The following TMEM177 variants were observed in gnomAD, a reference collection of about 807,000 sequenced individuals.
TMEM177 encodes the protein transmembrane protein 177.
TMEM177 carries 4 observed loss-of-function variants against 14.2 expected under a neutral mutation model. That is an observed-to-expected ratio of 0.28 (90% confidence interval 0.14 to 0.64). The LOEUF (loss-of-function observed/expected upper bound fraction) is 0.64, where lower values mean the gene tolerates loss of function less well. TMEM177 is among the 30% of genes least tolerant of loss of function. The pLI is 0.82. For synonymous variants in TMEM177, 179 were observed against 174.5 expected (o/e 1.03, Z -0.20); for missense variants, 344 against 405.2 (o/e 0.85, Z 1.30).
chr2:119,707,121 C>T, the TMEM177 span, among the ~76,000 whole-genome samples: 124 of 152,148 alleles, frequency 8.1e-4, no homozygotes, highest in African/African-American at 2.6e-3. Context: ...CCATGTTAGC[C>T]AGGCTGGTCT....
At position 119,681,853 on chromosome 2, in the gene TMEM177, C is replaced by A; in HGVS notation, c.*64C>A. On this transcript the variant is annotated 3_prime_UTR_variant, in exon 2 of 2. Coordinates refer to ENST00000272521, the MANE Select transcript of TMEM177 (RefSeq NM_030577.3). ...CCACCCTGCCATTGAGTCTGGAGGG[C>A]CCTGTTGGAGCCTTTGGACCTATAG... The A allele has an allele frequency of 6.6e-7, 1 of 1,505,790 alleles. No homozygotes were observed. Among genetic ancestry groups the A allele is most frequent in the Non-Finnish European group, 9.1e-7 (1 of 1,100,288 alleles). The allele number at this position is 1,505,790 out of a possible 1,614,324, so 93.3% of individuals were successfully genotyped here.
chr2:119,705,555 T>C, the TMEM177 span, among the ~76,000 whole-genome samples: 2 of 152,036 alleles, frequency 1.3e-5, no homozygotes, highest in Non-Finnish European at 1.5e-5. Context: ...TCTCACAACA[T>C]GGCAGCTTAC....
At chr2:119,715,563 G>C in the TMEM177 span, among the ~76,000 whole-genome samples, 1 of 152,176 alleles carries the variant, frequency 6.6e-6, no homozygotes, top group Non-Finnish European at 1.5e-5. Context: ...TTCCCAGGCT[G>C]CCCTCAGAGG....
chr2:119,693,075 G>A, the TMEM177 span, among the ~76,000 whole-genome samples: 3 of 151,804 alleles, frequency 2.0e-5, no homozygotes, highest in Non-Finnish European at 4.4e-5. Flanking sequence ...GCTGAAGGCA[G>A]TGGGGCCGGC....
At chr2:119,719,204 C>G in the TMEM177 span, among the ~76,000 whole-genome samples, 6 of 152,214 alleles carry the variant, frequency 3.9e-5, no homozygotes, top group African/African-American at 2.4e-5. Context: ...TTTCCAATCA[C>G]TACCCTCATC....
chr2:119,711,221 T>A, the TMEM177 span, among the ~76,000 whole-genome samples: 1 of 152,146 alleles, frequency 6.6e-6, no homozygotes, highest in African/African-American at 2.4e-5. Flanking sequence ...TAGGGGTTTT[T>A]TAATACCTAA....
downstream of TMEM177, among the ~76,000 whole-genome samples, chr2:119,691,152 G>A (rs569184034): frequency 3.9e-5 from 6 of 152,180 alleles, no homozygotes; most frequent in Non-Finnish European, 7.4e-5. Context: ...ATCTGTGGGC[G>A]CCTCTCCAGG....
chr2:119,707,324 A>G, the TMEM177 span, among the ~76,000 whole-genome samples: 1 of 152,208 alleles, frequency 6.6e-6, no homozygotes, highest in African/African-American at 2.4e-5. Flanking sequence ...AGCTGGGCAC[A>G]TTATCAGCCT....
At chr2:119,716,782 C>T in the TMEM177 span, among the ~76,000 whole-genome samples, 4 of 152,288 alleles carry the variant, frequency 2.6e-5, no homozygotes, top group South Asian at 6.2e-4. Flanking sequence ...TTCTGAAAAG[C>T]CCTTTTCTAA....
the TMEM177 span, among the ~76,000 whole-genome samples, chr2:119,721,466 T>C: frequency 6.6e-6 from 1 of 152,224 alleles, no homozygotes; most frequent in Non-Finnish European, 1.5e-5. Context: ...ATAATCATAA[T>C]GTAGGCTTTC....
the TMEM177 span, among the ~76,000 whole-genome samples, chr2:119,717,001 C>A: frequency 6.6e-6 from 1 of 152,202 alleles, no homozygotes; most frequent in Non-Finnish European, 1.5e-5. Flanking sequence ...TCACCTCTCT[C>A]CCCCCACCCC....
chr2:119,718,618 G>A, the TMEM177 span, among the ~76,000 whole-genome samples: 1 of 152,136 alleles, frequency 6.6e-6, no homozygotes, highest in African/African-American at 2.4e-5. Context: ...TCCTTACCAC[G>A]TGACTAGGTC....
chr2:119,701,095 G>T, the TMEM177 span, among the ~76,000 whole-genome samples: 1 of 152,150 alleles, frequency 6.6e-6, no homozygotes, highest in Non-Finnish European at 1.5e-5. Flanking sequence ...GAAACAGCAG[G>T]TTATTCCTCC....
chr2:119,702,857 T>C, the TMEM177 span, among the ~76,000 whole-genome samples: 1 of 152,244 alleles, frequency 6.6e-6, no homozygotes, highest in African/African-American at 2.4e-5. Flanking sequence ...AACAGTCCTC[T>C]ATCCCAGGGA....
the TMEM177 span, among the ~76,000 whole-genome samples, chr2:119,708,073 T>C: frequency 1.3e-5 from 2 of 152,194 alleles, no homozygotes; most frequent in Non-Finnish European, 2.9e-5. Flanking sequence ...AGCCCAGGGT[T>C]GTCACATCTG....
the TMEM177 span, among the ~76,000 whole-genome samples, chr2:119,720,891 C>T: frequency 6.6e-6 from 1 of 152,176 alleles, no homozygotes; most frequent in Non-Finnish European, 1.5e-5. Context: ...AGTACTAGCT[C>T]ATATTTCAGA....
At chr2:119,696,852 T>C in the TMEM177 span, among the ~76,000 whole-genome samples, 20 of 151,910 alleles carry the variant, frequency 1.3e-4, no homozygotes, top group Admixed American at 1.2e-3. Context: ...GGAAATGACG[T>C]TGGGGAGGTG....
downstream of TMEM177, among the ~76,000 whole-genome samples, chr2:119,689,553 C>A (rs1319543226): frequency 6.6e-6 from 1 of 152,144 alleles, no homozygotes. Flanking sequence ...ATAAAATTTC[C>A]ACAACAATCC....
the TMEM177 span, among the ~76,000 whole-genome samples, chr2:119,722,253 C>T: frequency 6.6e-6 from 1 of 152,016 alleles, no homozygotes; most frequent in Non-Finnish European, 1.5e-5. Context: ...TAGTGGCACA[C>T]ACCAGTAGTC....
Sources: gnomAD v4.1 joint callset for allele counts (sites outside exome capture counted in the v4.1 genomes callset) on GRCh38, gnomAD v4.1.1 for gene constraint, MANE v1.5 for transcripts, NCBI Gene and HGNC (gene_info 2026-07-23, HGNC 2026-07-21) for gene names.